Variants in OSBPL3 observed in about 807,000 individuals in gnomAD.
OSBPL3 encodes oxysterol binding protein like 3, also known as oxysterol-binding protein-related protein 3.
A neutral mutation model predicts 120.1 loss-of-function variants in OSBPL3; 65 were observed. The ratio of observed to expected loss-of-function variants is 0.54; its 90% CI spans 0.44 to 0.67. The LOEUF is 0.67. Ranked by LOEUF, OSBPL3 falls within the 30% of genes least tolerant of loss-of-function variation. The pLI is 0.00. For synonymous variants in OSBPL3, 416 were observed against 402.6 expected (o/e 1.03, Z -0.40); for missense variants, 1,004 against 1,082.1 (o/e 0.93, Z 1.01).
chr7:24,915,142 G>C (rs1274606897), intron 1 of OSBPL3, among the ~76,000 whole-genome samples: 1 of 152,076 alleles, frequency 6.6e-6, no homozygotes, highest in Non-Finnish European at 1.5e-5. Flanking sequence ...CTTTTAAGAG[G>C]GTTCCCACAC....
chr7:24,949,312 T>C (rs1389465651), intron 1 of OSBPL3, among the ~76,000 whole-genome samples: 1 of 152,220 alleles, frequency 6.6e-6, no homozygotes. Context: ...ACACTCTTTC[T>C]CATATTTTAA....
intron 1 of OSBPL3, among the ~76,000 whole-genome samples, chr7:24,909,889 C>T (rs910921323): frequency 3.4e-5 from 5 of 146,236 alleles, no homozygotes; most frequent in African/African-American, 1.3e-4. Flanking sequence ...ACTGCAACCT[C>T]TGCCTCCCAG....
chr7:24,925,605 T>C (rs1311433045), intron 1 of OSBPL3, among the ~76,000 whole-genome samples: 1 of 152,262 alleles, frequency 6.6e-6, no homozygotes, highest in African/African-American at 2.4e-5. Flanking sequence ...TAAATCCTTC[T>C]CTGCAAGAGC....
chr7:24,892,488 T>G lies in OSBPL3; in HGVS notation c.-16A>C. 6.2e-7 allele frequency: 1 copy of G among 1,609,658 alleles called. No homozygotes were observed. The highest frequency in any genetic ancestry group is 1.7e-5 in the Admixed American group (1 of 59,980). On this transcript the variant is annotated 5_prime_UTR_variant, in exon 2 of 23. Coordinates refer to ENST00000313367, the MANE Select transcript of OSBPL3 (RefSeq NM_015550.4). ...CACTCATCATGGACAGCAAGTCACT[T>G]GGCCTCGAGACAATCAAAATGCCAT...
In OSBPL3 at chr7:24,959,097, AG is replaced by A. The variant is rs1467844080; in HGVS notation, c.-150+20788del. Among the ~76,000 whole-genome samples, 1 of 152,208 alleles carries A rather than the reference AG, an allele frequency of 6.6e-6. No individual in the cohort carries two copies. The highest frequency in any genetic ancestry group is 2.4e-5 in the African/African-American group (1 of 41,458). The stretch of plus-strand genomic sequence containing the variant: ...AAGAAAAGAACAAGTACAGATGTAG[AG>A]CAACTAGAACTATCATAAACTGCTG... On this transcript the variant is annotated intron_variant, in intron 1 of 22. Transcript: ENST00000313367. This position sits in a 1 kb window ranked among gnomAD's most constrained non-coding sequence, Gnocchi z 4.3.
chr7:24,886,020 C>T (rs1195968061), intron 2 of OSBPL3, among the ~76,000 whole-genome samples: 1 of 152,202 alleles, frequency 6.6e-6, no homozygotes, highest in Non-Finnish European at 1.5e-5. Context: ...TTCTCCCTCC[C>T]ACTTAGATAT....
intron 2 of OSBPL3, among the ~76,000 whole-genome samples, chr7:24,876,696 A>G (rs983583974): frequency 6.6e-6 from 1 of 152,196 alleles, no homozygotes; most frequent in African/African-American, 2.4e-5. Flanking sequence ...CATTTAAAAC[A>G]CAAAAGAATA....
rs1799318120 is a variant in OSBPL3 at position 24,852,709 on chromosome 7, C to G, written c.1028-75G>C. 3 of 988,964 alleles carry G rather than the reference C, an allele frequency of 3.0e-6. No homozygotes were observed. The highest frequency in any genetic ancestry group is 4.3e-6 in the Non-Finnish European group (3 of 703,132). 61.3% of individuals were successfully genotyped at this position (988,964 alleles called of 1,614,324 possible). Reference sequence around the variant, plus strand: ...ACAAAATACAGAAAAAAACATATCTCTTATAAAAGAAACAAGCAAAGTAAC... The same window carrying G: ...ACAAAATACAGAAAAAAACATATCTGTTATAAAAGAAACAAGCAAAGTAAC... On this transcript the variant is annotated intron_variant, in intron 10 of 22. Transcript: ENST00000313367. This position sits in a 1 kb window ranked among gnomAD's most constrained non-coding sequence, Gnocchi z 4.1.
chr7:24,945,071 C>A (rs1033145174), intron 1 of OSBPL3, among the ~76,000 whole-genome samples: 1 of 152,170 alleles, frequency 6.6e-6, no homozygotes, highest in South Asian at 2.1e-4. Context: ...AGTATCAAGT[C>A]TTGGGTGGAG....
In OSBPL3 at chr7:24,831,653, A is replaced by C. The variant is rs1401835011; in HGVS notation, c.1747-748T>G. On this transcript the variant is annotated intron_variant, in intron 15 of 22. Transcript: ENST00000313367. This position sits in a 1 kb window ranked among gnomAD's most constrained non-coding sequence, Gnocchi z 4.0. ...CATTACCTTCTTTGTCTTTTCTTCCATGTATGTAACAACAGTTAAGCCTAA... is the reference window on the plus strand; with the variant it reads ...CATTACCTTCTTTGTCTTTTCTTCCCTGTATGTAACAACAGTTAAGCCTAA... Among the ~76,000 whole-genome samples the C allele has an allele frequency of 6.6e-6, 1 of 152,210 alleles. No individual in the cohort carries two copies. Among genetic ancestry groups the C allele is most frequent in the East Asian group, 1.9e-4 (1 of 5,202 alleles).
chr7:24,840,704 T>TC lies in OSBPL3; in HGVS notation c.1480dup (p.Glu494GlyfsTer10). ...GTAAATCTTACCCAAGGTCTGTCTC[T>TC]CATTATCTAAATCATTACTGAGATT... On this transcript the variant is annotated frameshift_variant, in exon 14 of 23. Transcript: ENST00000313367. LOFTEE classifies it high-confidence loss of function. 7.1e-7 allele frequency: 1 copy of TC among 1,406,134 alleles called. No individual in the cohort carries two copies. The highest frequency in any genetic ancestry group is 9.8e-7 in the Non-Finnish European group (1 of 1,017,772). 87.1% of individuals were successfully genotyped at this position (1,406,134 alleles called of 1,614,324 possible).
rs1189531770 is a variant in OSBPL3, at chr7:24,894,610, G to A, written c.-149-1989C>T. Among the ~76,000 whole-genome samples the A allele has an allele frequency of 3.3e-5, 5 of 152,338 alleles. No individual in the cohort carries two copies. The highest frequency in any genetic ancestry group is 9.6e-5 in the African/African-American group (4 of 41,588). ...CACTGCTATGGCAACAGATTCCACA[G>A]TGGATTAGGAATACCAGCGGAGTGT... On this transcript the variant is annotated intron_variant, in intron 1 of 22. Coordinates refer to ENST00000313367, the MANE Select transcript of OSBPL3 (RefSeq NM_015550.4). The surrounding 1 kb of genome is among the most constrained non-coding windows in gnomAD (Gnocchi z 4.1).
In OSBPL3 at chr7:24,940,859, G is replaced by A. The variant is rs377440394; in HGVS notation, c.-150+39027C>T. Reference sequence around the variant, plus strand: ...GTGTGTGACGGAGTCTCGCTCTGTCGCCCAGGCTGGAGTGCACTGGCGCGA... The same window carrying A: ...GTGTGTGACGGAGTCTCGCTCTGTCACCCAGGCTGGAGTGCACTGGCGCGA... On this transcript the variant is annotated intron_variant, in intron 1 of 22. Coordinates refer to ENST00000313367, the MANE Select transcript of OSBPL3 (RefSeq NM_015550.4). The surrounding 1 kb of genome is among the most constrained non-coding windows in gnomAD (Gnocchi z 4.4). 7.6e-5 allele frequency among the ~76,000 whole-genome samples: 11 copies of A among 144,120 alleles called. No homozygotes were observed. The highest frequency in any genetic ancestry group is 3.6e-4 in the Admixed American group (5 of 13,940). 94.5% of individuals were successfully genotyped at this position (144,120 alleles called of 152,430 possible).
chr7:24,885,845 G>T (rs1183235795), intron 2 of OSBPL3, among the ~76,000 whole-genome samples: 2 of 151,756 alleles, frequency 1.3e-5, no homozygotes, highest in Non-Finnish European at 3.0e-5. Context: ...AAGGCTATAG[G>T]ACTCTTTTGA....
Position 24,952,869 on chromosome 7 carries a change from C to T in OSBPL3, c.-150+27017G>A, listed in dbSNP as rs1427334426. ...CTCATTTAAAATAACTCTGGGATGG[C>T]CAATGCCTGTAATCTCAGCACTTTA... On this transcript the variant is annotated intron_variant, in intron 1 of 22. Coordinates refer to ENST00000313367, the MANE Select transcript of OSBPL3 (RefSeq NM_015550.4). The surrounding 1 kb of genome is among the most constrained non-coding windows in gnomAD (Gnocchi z 4.4). 6.6e-6 allele frequency among the ~76,000 whole-genome samples: 1 copy of T among 152,180 alleles called. No homozygotes were observed. The highest frequency in any genetic ancestry group is 6.5e-5 in the Admixed American group (1 of 15,280).
At position 24,871,226 on chromosome 7, in the gene OSBPL3, T is replaced by C. The variant is rs143497923; in HGVS notation, c.268-381A>G. Among the ~76,000 whole-genome samples the C allele has an allele frequency of 4.0e-3, 607 of 152,202 alleles. 7 individuals carry two copies. Among genetic ancestry groups the C allele is most frequent in the African/African-American group, 0.014 (575 of 41,522 alleles). On this transcript the variant is annotated intron_variant, in intron 4 of 22. Coordinates refer to ENST00000313367, the MANE Select transcript of OSBPL3 (RefSeq NM_015550.4). This position sits in a 1 kb window ranked among gnomAD's most constrained non-coding sequence, Gnocchi z 4.8. ...GGTGTCTAAATTCATTTAGAAGTGATGTATTAATAAAAGAAGTGAGAGCAG... is the reference window on the plus strand; with the variant it reads ...GGTGTCTAAATTCATTTAGAAGTGACGTATTAATAAAAGAAGTGAGAGCAG...
intron 1 of OSBPL3, among the ~76,000 whole-genome samples, chr7:24,957,097 T>A (rs1386803176): frequency 6.6e-6 from 1 of 152,144 alleles, no homozygotes; most frequent in Non-Finnish European, 1.5e-5. Flanking sequence ...CTTGAAAGTT[T>A]CAGTCTCTGT....
At chr7:24,839,787 A>G (rs34640695) in intron 14 of OSBPL3, among the ~76,000 whole-genome samples, 33,306 of 151,756 alleles carry the variant, frequency 0.22, 4,044 homozygotes, top group Admixed American at 0.34. Flanking sequence ...TCAGGAGTTC[A>G]AGACCAGCCT....
Position 24,855,873 on chromosome 7 carries a change from T to C in OSBPL3, c.1028-3239A>G, listed in dbSNP as rs1799779689. ...ATAAATAAAGCCACACAGAAAATCT[T>C]AGATGCTCAGAGATTACCAAAGCCA... On this transcript the variant is annotated intron_variant, in intron 10 of 22. Coordinates refer to ENST00000313367, the MANE Select transcript of OSBPL3 (RefSeq NM_015550.4). The surrounding 1 kb of genome is among the most constrained non-coding windows in gnomAD (Gnocchi z 4.3). 6.6e-6 allele frequency among the ~76,000 whole-genome samples: 1 copy of C among 152,204 alleles called. No individual in the cohort carries two copies. Among genetic ancestry groups the C allele is most frequent in the African/African-American group, 2.4e-5 (1 of 41,448 alleles).
Sources: allele counts gnomAD v4.1 joint callset (sites outside exome capture counted in the v4.1 genomes callset), GRCh38; gene constraint gnomAD v4.1.1; non-coding constraint Gnocchi (gnomAD v3.1); transcripts MANE v1.5; gene names NCBI Gene and HGNC (gene_info 2026-07-23, HGNC 2026-07-21).